SERPINA11: variants seen among roughly 807,000 people sequenced by gnomAD.
SERPINA11 encodes serpin family A member 11.
Under a neutral mutation model 29.4 loss-of-function variants are expected in SERPINA11, and 28 were observed. The ratio of observed to expected loss-of-function variants is 0.95; its 90% CI spans 0.70 to 1.30. The LOEUF is 1.30. SERPINA11 is among the 50% of genes most tolerant of loss of function. The probability of loss-of-function intolerance (pLI) is 0.00; values close to 1 mark genes in which losing one functional copy is unlikely to be tolerated. For synonymous variants in SERPINA11, 253 were observed against 206.6 expected (o/e 1.22, Z -1.92); for missense variants, 530 against 507.3 (o/e 1.04, Z -0.43).
chr14:94,451,255 A>G (rs1189551183), intron 1 of SERPINA11, among the ~76,000 whole-genome samples: 1 of 152,176 alleles, frequency 6.6e-6, no homozygotes, highest in Non-Finnish European at 1.5e-5. Context: ...GTCAGGAGGG[A>G]CGAATGTGGT....
chr14:94,443,727 G>A (rs1467711229), intron 3 of SERPINA11, among the ~76,000 whole-genome samples: 1 of 152,182 alleles, frequency 6.6e-6, no homozygotes, highest in Non-Finnish European at 1.5e-5. Flanking sequence ...TTCCTCTAGT[G>A]TTAAATGGCA....
At chr14:94,447,799 C>T (rs1056858923) in intron 2 of SERPINA11, among the ~76,000 whole-genome samples, 1 of 152,230 alleles carries the variant, frequency 6.6e-6, no homozygotes, top group African/African-American at 2.4e-5. Flanking sequence ...CCCCACCTCT[C>T]CCAAGCTTCT....
At chr14:94,445,337 C>A (rs1898413530) in intron 3 of SERPINA11, among the ~76,000 whole-genome samples, 1 of 152,006 alleles carries the variant, frequency 6.6e-6, no homozygotes. Flanking sequence ...TCTCAGAGTA[C>A]CCCATAAAAG....
At chr14:94,450,247 GA>G (rs1055383021) in intron 1 of SERPINA11, among the ~76,000 whole-genome samples, 54 of 152,148 alleles carry the variant, frequency 3.5e-4, no homozygotes, top group African/African-American at 1.3e-3. Flanking sequence ...TTCATATGCT[GA>G]AGTCTAGACA....
In SERPINA11 at chr14:94,448,634, G is replaced by A; in HGVS notation, c.141C>T (p.Tyr47=). The A allele has an allele frequency of 6.2e-7, 1 of 1,606,546 alleles. No homozygotes were observed. Among genetic ancestry groups the A allele is most frequent in the East Asian group, 2.2e-5 (1 of 44,766 alleles). Residue 47 remains tyrosine (Y), a synonymous_variant, in exon 2 of 5, where the codon TAC becomes TAT. Transcript: ENST00000334708. ...RHQLSEPAPA[Y]HRITPTITNF... ...TGGTAATGGTGGGTGTGATTCTGTG[G>A]TAGGCGGGGGCTGGCTCTGAGAGCT...
In SERPINA11 at chr14:94,443,206, G is replaced by A; in HGVS notation, c.937C>T (p.Pro313Ser). ...TATGTTCCAGAAATTGAAAACCTTG[G>A]CAAGTGCAAATCCAACAGACTGGAG... ...LLPSLLDLHL[P>S]RFSISGTYNL... The change falls in exon 4 of 5, where the codon CCA becomes TCA. Residue 313 changes from proline (P) to serine (S), a missense_variant. By Grantham distance (74) the Pro-to-Ser change is moderately conservative. Coordinates refer to ENST00000334708, the MANE Select transcript of SERPINA11 (RefSeq NM_001080451.2). 3 of 1,613,654 alleles carry A rather than the reference G, an allele frequency of 1.9e-6. No individual in the cohort carries two copies. Among genetic ancestry groups the A allele is most frequent in the Non-Finnish European group, 2.5e-6 (3 of 1,179,822 alleles).
chr14:94,443,053 C>T (rs1898373082), intron 4 of SERPINA11, 25 bp downstream of exon 4: 4 of 1,593,518 alleles, frequency 2.5e-6, no homozygotes, highest in East Asian at 2.2e-5. Context: ...CACCTGCCCA[C>T]AAACATCCAT....
chr14:94,446,406 G>A lies in SERPINA11; in HGVS notation c.842C>T (p.Pro281Leu), dbSNP rs776327381. The A allele has an allele frequency of 3.1e-5, 50 of 1,613,938 alleles. No individual in the cohort carries two copies. Among genetic ancestry groups the A allele is most frequent in the Middle Eastern group, 1.6e-4 (1 of 6,072 alleles). Residue 281 changes from proline to leucine, a missense_variant, in exon 3 of 5, where the codon CCG becomes CTG. Pro to Leu is a moderately conservative substitution (Grantham distance 98). Transcript: ENST00000334708. Reference sequence around the variant, plus strand: ...AGCCTCCACCTGCTTCATTTTCCCCGGGTCAGGGAGGACCAGCAGCGCCAA... The same window carrying A: ...AGCCTCCACCTGCTTCATTTTCCCCAGGTCAGGGAGGACCAGCAGCGCCAA... ...NALALLVLPD[P>L]GKMKQVEAAL...
chr14:94,445,655 A>G (rs1898420937), intron 3 of SERPINA11, among the ~76,000 whole-genome samples: 1 of 152,188 alleles, frequency 6.6e-6, no homozygotes, highest in Admixed American at 6.5e-5. Context: ...TGTAACCTCA[A>G]ATTCCTGGGC....
At chr14:94,452,598 A>AACACACACCCACAC (rs1898606953) in intron 1 of SERPINA11, 131 bp downstream of exon 1, 1 of 120,098 alleles carries the variant, frequency 8.3e-6, no homozygotes, top group Non-Finnish European at 1.7e-5. Flanking sequence ...CAAAGCCAGG[A>AACACACACCCACAC]ACACACACAC....
intron 3 of SERPINA11, among the ~76,000 whole-genome samples, chr14:94,445,348 A>G (rs772204724): frequency 3.3e-5 from 5 of 152,172 alleles, no homozygotes; most frequent in Admixed American, 6.5e-5. Flanking sequence ...CCCATAAAAG[A>G]AGATGCACCC....
intron 1 of SERPINA11, among the ~76,000 whole-genome samples, chr14:94,449,393 TTTCTTTCTTTCTA>T (rs879763138): frequency 0.16 from 6,305 of 39,804 alleles, 516 homozygotes; most frequent in Non-Finnish European, 0.21. Flanking sequence ...TCCCTCCCTC[TTTCTTTCTTTCTA>T]TTCTTTCTTT....
chr14:94,446,415 A>G lies in SERPINA11; in HGVS notation c.833T>C (p.Leu278Pro). ...CTGCTTCATTTTCCCCGGGTCAGGG[A>G]GGACCAGCAGCGCCAAGGCATTTCC... ...YRGNALALLV[L>P]PDPGKMKQVE... The change falls in exon 3 of 5, where the codon CTC becomes CCC. Residue 278 changes from leucine to proline, a missense_variant. Physicochemically the swap from Leu to Pro is moderately conservative, Grantham distance 98. Transcript: ENST00000334708. 1 of 1,614,182 alleles carries G rather than the reference A, an allele frequency of 6.2e-7. No homozygotes were observed. Among genetic ancestry groups the G allele is most frequent in the Non-Finnish European group, 8.5e-7 (1 of 1,180,016 alleles).
intron 3 of SERPINA11, among the ~76,000 whole-genome samples, 169 bp from the exon 4 acceptor site, chr14:94,443,394 C>T (rs1898380142): frequency 6.6e-6 from 1 of 152,180 alleles, no homozygotes; most frequent in African/African-American, 2.4e-5. Context: ...TACCCATACC[C>T]ACAGCTCCCT....
chr14:94,443,967 T>C (rs1898388927), intron 3 of SERPINA11, among the ~76,000 whole-genome samples: 1 of 152,236 alleles, frequency 6.6e-6, no homozygotes, highest in Non-Finnish European at 1.5e-5. Flanking sequence ...CCCAGGCACC[T>C]GAAAGCATGA....
rs1039299084 is a variant in SERPINA11 at position 94,443,330 on chromosome 14, G to A, written c.918-105C>T. The A allele has an allele frequency of 3.2e-5, 35 of 1,109,824 alleles. No homozygotes were observed. The Admixed American group carries it at 4.3e-4, about 14-fold the overall frequency. The allele number at this position is 1,109,824 out of a possible 1,614,324, so 68.7% of individuals were successfully genotyped here. On this transcript the variant is annotated intron_variant, in intron 3 of 4. Coordinates refer to ENST00000334708, the MANE Select transcript of SERPINA11 (RefSeq NM_001080451.2). ...CCATGGGAGAGAGGCATTTCCCAGC[G>A]TGAGAAGCAACCAGTCTTCCCATGA... is the stretch of plus-strand genomic sequence containing the variant.
chr14:94,447,986 G>A lies in SERPINA11; in HGVS notation c.643+146C>T, dbSNP rs1898477598. On this transcript the variant is annotated intron_variant, in intron 2 of 4. Coordinates refer to ENST00000334708, the MANE Select transcript of SERPINA11 (RefSeq NM_001080451.2). The stretch of plus-strand genomic sequence containing the variant: ...TCTGCACTTATTTCCAACCCACATG[G>A]ACTGTGGCTACGCAAGGGTGGGAAA... The A allele has an allele frequency of 5.2e-6, 4 of 773,702 alleles. No individual in the cohort carries two copies. In the Admixed American group the frequency reaches 7.3e-5, roughly 14 times the overall value. The allele number at this position is 773,702 out of a possible 1,614,324, so 47.9% of individuals were successfully genotyped here. A position where few individuals can be genotyped will look rare whatever the true frequency, so the allele number is the denominator to read the frequency against.
intron 3 of SERPINA11, among the ~76,000 whole-genome samples, chr14:94,445,678 C>T (rs1898421513): frequency 6.6e-6 from 1 of 152,174 alleles, no homozygotes; most frequent in Admixed American, 6.5e-5. Context: ...AGGTGATCCT[C>T]TTTCCTCATC....
At chr14:94,448,921 T>C in intron 1 of SERPINA11, 144 bp from the exon 2 acceptor site, 1 of 674,286 alleles carries the variant, frequency 1.5e-6, no homozygotes, top group Admixed American at 3.5e-5. Flanking sequence ...TGTGGATGAT[T>C]AGGATTCTGG....
Sources: allele counts gnomAD v4.1 joint callset (sites outside exome capture counted in the v4.1 genomes callset), GRCh38; gene constraint gnomAD v4.1.1; transcripts MANE v1.5; gene names NCBI Gene and HGNC (gene_info 2026-07-23, HGNC 2026-07-21).